The following ZNF333 variants were observed in gnomAD, a reference collection of about 807,000 sequenced individuals.
ZNF333 encodes the protein zinc finger protein 333.
A neutral mutation model predicts 76.1 loss-of-function variants in ZNF333; 61 were observed. That is an observed-to-expected ratio of 0.80 (90% CI 0.65 to 0.99). The LOEUF (loss-of-function observed/expected upper bound fraction) is 0.99. ZNF333 is among the 50% of genes least tolerant of loss of function. The pLI is 0.00. For synonymous variants in ZNF333, 284 were observed against 305.0 expected (o/e 0.93, Z 0.72); for missense variants, 717 against 822.4 (o/e 0.87, Z 1.57).
Position 14,718,624 on chromosome 19 carries a change from A to G in ZNF333, c.1297A>G (p.Arg433Gly). The change falls in exon 12 of 12, where the codon AGG becomes GGG. Residue 433 changes from arginine to glycine, a missense_variant. By Grantham distance (125) the Arg-to-Gly change is moderately radical. Coordinates refer to ENST00000292530, the MANE Select transcript of ZNF333 (RefSeq NM_032433.4). ...TAGTCAGTGTGGGAAAACCTTCACGAGGAACTTTAACCTGATTTTGCACCA... is the reference window on the plus strand; with the variant it reads ...TAGTCAGTGTGGGAAAACCTTCACGGGGAACTTTAACCTGATTTTGCACCA... The part of the protein sequence containing the change: ...ECSQCGKTFT[R>G]NFNLILHQRN... 1 of 1,613,846 alleles carries G rather than the reference A, an allele frequency of 6.2e-7. No individual in the cohort carries two copies. Among genetic ancestry groups the G allele is most frequent in the Non-Finnish European group, 8.5e-7 (1 of 1,180,026 alleles).
chr19:14,702,023 C>CA (rs2041972201), intron 5 of ZNF333: 1 of 464,568 alleles, frequency 2.2e-6, no homozygotes, highest in East Asian at 1.5e-4. Flanking sequence ...CTTTAGGTAG[C>CA]CCTTCCAGGC....
At chr19:14,695,475 A>C in intron 3 of ZNF333, 91 bp from the exon 4 acceptor site, 1 of 1,224,292 alleles carries the variant, frequency 8.2e-7, no homozygotes, top group African/African-American at 1.5e-5. Flanking sequence ...CCCATATTGA[A>C]GCTGAAGGAG....
exon 12 of ZNF333, chr19:14,732,358 G>A (rs536380989): frequency 2.0e-5 from 3 of 152,166 alleles, no homozygotes; most frequent in South Asian, 2.1e-4. Context: ...ACAGTATAGG[G>A]TAAGCATACT....
chr19:14,717,061 CAG>C lies in ZNF333; in HGVS notation c.796_797del (p.Arg266GlyfsTer20). 6.2e-7 allele frequency: 1 copy of C among 1,609,880 alleles called. No individual in the cohort carries two copies. Among genetic ancestry groups the C allele is most frequent in the Non-Finnish European group, 8.5e-7 (1 of 1,177,738 alleles). ...EERGEQWTTD[R>X]GVLSDTCAEP... ...AAAGAGGAGAGCAGTGGACCACTGACAGGGGCGTCCTCTCAGACACCTGTGCA... is the reference window on the plus strand; with the variant it reads ...AAAGAGGAGAGCAGTGGACCACTGACGGGCGTCCTCTCAGACACCTGTGCA... On this transcript the variant is annotated frameshift_variant, in exon 10 of 12. Transcript: ENST00000292530. LOFTEE classifies it high-confidence loss of function.
chr19:14,698,933 T>TAG (rs1476702135), intron 4 of ZNF333, among the ~76,000 whole-genome samples: 175 of 134,940 alleles, frequency 1.3e-3, no homozygotes, highest in Middle Eastern at 3.7e-3. Context: ...TATATATATA[T>TAG]ATACACACAT....
At chr19:14,712,040 G>C (rs1250631566) in intron 7 of ZNF333, among the ~76,000 whole-genome samples, 1 of 152,010 alleles carries the variant, frequency 6.6e-6, no homozygotes, top group Non-Finnish European at 1.5e-5. Flanking sequence ...AGCGGGAATG[G>C]GTGGGAGAGG....
intron 7 of ZNF333, chr19:14,707,069 T>G (rs777701421): frequency 1.3e-4 from 43 of 320,042 alleles, no homozygotes; most frequent in Non-Finnish European, 2.0e-4. Context: ...AAATTATGAT[T>G]GAATTTACTA....
chr19:14,695,469 T>C (rs1480136193), intron 3 of ZNF333, 97 bp from the exon 4 acceptor site: 3 of 1,163,260 alleles, frequency 2.6e-6, no homozygotes, highest in African/African-American at 1.5e-5. Flanking sequence ...CTGAAGCCCA[T>C]ATTGAAGCTG....
Position 14,718,404 on chromosome 19 carries a change from C to T in ZNF333, c.1077C>T (p.Ile359=). 6.2e-7 allele frequency: 1 copy of T among 1,614,136 alleles called. No individual in the cohort carries two copies. Among genetic ancestry groups the T allele is most frequent in the Admixed American group, 1.7e-5 (1 of 60,008 alleles). Residue 359 remains isoleucine (I), a synonymous_variant, in exon 12 of 12, where the codon ATC becomes ATT. Coordinates refer to ENST00000292530, the MANE Select transcript of ZNF333 (RefSeq NM_032433.4). ...QSAHLIVPEK[I]RSGDKSYACN... is the part of the protein sequence containing the mutation. ...CCCACCTAATTGTGCCCGAGAAAAT[C>T]CGTAGTGGGGATAAATCCTATGCAT...
chr19:14,722,297 A>G (rs1364461084), downstream of ZNF333, among the ~76,000 whole-genome samples: 1 of 152,196 alleles, frequency 6.6e-6, no homozygotes, highest in Non-Finnish European at 1.5e-5. Flanking sequence ...AACCTTGAAG[A>G]CGAGCTTGGT....
At chr19:14,706,508 G>A (rs556723998) in intron 6 of ZNF333, 178 bp from the exon 7 acceptor site, 2 of 638,530 alleles carry the variant, frequency 3.1e-6, no homozygotes, top group East Asian at 5.7e-5. Context: ...GGATCACAGT[G>A]ATTAGCTTTG....
chr19:14,723,693 T>G (rs1475377660), downstream of ZNF333, among the ~76,000 whole-genome samples: 1 of 152,322 alleles, frequency 6.6e-6, no homozygotes, highest in South Asian at 2.1e-4. Context: ...TTTGTGTTGA[T>G]CATCACACTT....
At chr19:14,691,008 G>A (rs541869367) in intron 1 of ZNF333, among the ~76,000 whole-genome samples, 16 of 152,272 alleles carry the variant, frequency 1.1e-4, no homozygotes, top group African/African-American at 3.6e-4. Context: ...CAGGAGAATC[G>A]CTTGAACCCC....
At chr19:14,708,328 CG>C in intron 7 of ZNF333, 1 of 400,970 alleles carries the variant, frequency 2.5e-6, no homozygotes. Context: ...CTTCTTGAAG[CG>C]GGTAACACCA....
chr19:14,696,956 C>T (rs528068278), intron 4 of ZNF333, among the ~76,000 whole-genome samples: 2 of 152,008 alleles, frequency 1.3e-5, no homozygotes, highest in African/African-American at 2.4e-5. Context: ...TCAGGCTGGT[C>T]GAGAACTCCT....
At position 14,715,376 on chromosome 19, in the gene ZNF333, C is replaced by T. The variant is rs752941271; in HGVS notation, c.512-6C>T. On this transcript the variant is annotated splice_region_variant and splice_polypyrimidine_tract_variant and intron_variant, in intron 7 of 11. Coordinates refer to ENST00000292530, the MANE Select transcript of ZNF333 (RefSeq NM_032433.4). ...CAACCCTCATGCCTCTTCCCTTCTC[C>T]CCTAGCTGTGCCTGCACGTGACCCT... is the stretch of plus-strand genomic sequence containing the variant. The T allele has an allele frequency of 1.7e-5, 28 of 1,613,518 alleles. No homozygotes were observed. Among genetic ancestry groups the T allele is most frequent in the Non-Finnish European group, 2.3e-5 (27 of 1,179,820 alleles).
intron 11 of ZNF333, among the ~76,000 whole-genome samples, chr19:14,727,521 G>T (rs1203356690): frequency 6.6e-6 from 1 of 152,068 alleles, no homozygotes; most frequent in East Asian, 1.9e-4. Context: ...TAAACAACCT[G>T]ATCTGGTGTG....
At chr19:14,691,124 C>T (rs1972739039) in intron 1 of ZNF333, among the ~76,000 whole-genome samples, 1 of 152,066 alleles carries the variant, frequency 6.6e-6, no homozygotes, top group Non-Finnish European at 1.5e-5. Context: ...AGGAGGAGTT[C>T]TTAATTTTTT....
At chr19:14,728,984 G>C (rs577395701) in intron 11 of ZNF333, among the ~76,000 whole-genome samples, 11 of 152,320 alleles carry the variant, frequency 7.2e-5, no homozygotes, top group African/African-American at 2.4e-4. Flanking sequence ...AAAGAAGGGG[G>C]AAGGGGACGT....
Sources: gnomAD v4.1 joint callset for allele counts (sites outside exome capture counted in the v4.1 genomes callset) on GRCh38, gnomAD v4.1.1 for gene constraint, MANE v1.5 for transcripts, NCBI Gene and HGNC (gene_info 2026-07-23, HGNC 2026-07-21) for gene names.